The following MIPEP variants were observed in gnomAD, a reference collection of about 807,000 sequenced individuals.
MIPEP encodes the protein mitochondrial intermediate peptidase.
In MIPEP, 79 loss-of-function variants were observed where a neutral mutation model predicts 90.3. The observed-to-expected ratio is 0.87, with a 90% CI of 0.73 to 1.05. The LOEUF is 1.05. Ranked by LOEUF, MIPEP falls within the 50% of genes least tolerant of loss-of-function variation. MIPEP has a pLI of 0.00. For synonymous variants in MIPEP, 334 were observed against 315.8 expected (o/e 1.06, Z -0.61); for missense variants, 940 against 905.6 (o/e 1.04, Z -0.49).
At chr13:23,793,559 A>G (rs1952922977) in intron 16 of MIPEP, among the ~76,000 whole-genome samples, 1 of 152,142 alleles carries the variant, frequency 6.6e-6, no homozygotes, top group Non-Finnish European at 1.5e-5. Context: ...ATTTCTCAGT[A>G]AATATTTATT....
At chr13:23,822,422 A>C (rs1312792497) in intron 14 of MIPEP, among the ~76,000 whole-genome samples, 1 of 152,136 alleles carries the variant, frequency 6.6e-6, no homozygotes, top group East Asian at 1.9e-4. Flanking sequence ...ACATTGCCCC[A>C]CCCCGCAAGG....
intron 14 of MIPEP, among the ~76,000 whole-genome samples, chr13:23,817,536 C>G (rs1228796686): frequency 6.6e-6 from 1 of 152,090 alleles, no homozygotes; most frequent in Non-Finnish European, 1.5e-5. Flanking sequence ...GCAGTAGCCC[C>G]CCGATAAAGT....
intron 16 of MIPEP, chr13:23,766,032 A>C (rs1430056200): frequency 6.6e-6 from 1 of 152,232 alleles, no homozygotes; most frequent in Non-Finnish European, 1.5e-5. Context: ...TCTGATATGG[A>C]ATAATCCTAT....
At chr13:23,830,309 CAG>C (rs1868679206) in intron 14 of MIPEP, among the ~76,000 whole-genome samples, 2 of 152,176 alleles carry the variant, frequency 1.3e-5, no homozygotes, top group African/African-American at 4.8e-5. Flanking sequence ...TTTTAAATAA[CAG>C]AAGATTATAA....
Position 23,782,745 on chromosome 13 carries a change from T to A in MIPEP, c.1849-22528A>T, listed in dbSNP as rs1009214929. On this transcript the variant is annotated intron_variant, in intron 16 of 18. Coordinates refer to ENST00000382172, the MANE Select transcript of MIPEP (RefSeq NM_005932.4). ...AAGAAGAAAAGAGAGAAGAATCAAA[T>A]AGACGCAATAAAAAATGATAAAGGG... Among the ~76,000 whole-genome samples, 9 of 152,154 alleles carry A rather than the reference T, an allele frequency of 5.9e-5. No individual in the cohort carries two copies. The South Asian group carries it at 6.2e-4, about 11-fold the overall frequency.
chr13:23,856,176 G>C (rs560399138), intron 10 of MIPEP, among the ~76,000 whole-genome samples: 11 of 152,180 alleles, frequency 7.2e-5, no homozygotes, highest in Non-Finnish European at 1.3e-4. Flanking sequence ...GCACAGCGGA[G>C]CCAGGAGCTA....
intron 10 of MIPEP, among the ~76,000 whole-genome samples, chr13:23,853,889 T>G (rs189004302): frequency 6.6e-6 from 1 of 151,346 alleles, no homozygotes; most frequent in Non-Finnish European, 1.5e-5. Flanking sequence ...TCAGAATGTA[T>G]CCCTGTCATT....
At chr13:23,822,459 C>T (rs960278353) in intron 14 of MIPEP, among the ~76,000 whole-genome samples, 7 of 152,192 alleles carry the variant, frequency 4.6e-5, no homozygotes, top group East Asian at 3.9e-4. Flanking sequence ...TAACCAAATG[C>T]TCCTATTTCA....
intron 5 of MIPEP, among the ~76,000 whole-genome samples, chr13:23,873,223 G>A (rs528818822): frequency 4.7e-4 from 71 of 152,370 alleles, no homozygotes; most frequent in African/African-American, 1.7e-3. Context: ...ACACATGGGG[G>A]AGGACACTGT....
At chr13:23,831,386 G>GGGGGC (rs1868748814) in intron 14 of MIPEP, among the ~76,000 whole-genome samples, 3 of 69,416 alleles carry the variant, frequency 4.3e-5, no homozygotes, top group East Asian at 4.4e-4. Context: ...CCCATGGCGG[G>GGGGGC]GGGGGGATGT....
chr13:23,863,907 G>C (rs536549634), intron 8 of MIPEP, among the ~76,000 whole-genome samples: 47 of 152,258 alleles, frequency 3.1e-4, no homozygotes, highest in Non-Finnish European at 5.6e-4. Context: ...GCAAATGAAA[G>C]ATGAATTTCT....
intron 16 of MIPEP, among the ~76,000 whole-genome samples, chr13:23,765,540 A>T (rs1173628883): frequency 6.6e-6 from 1 of 152,242 alleles, no homozygotes; most frequent in Non-Finnish European, 1.5e-5. Context: ...GGGCCTTGAA[A>T]CATATCCCTT....
intron 16 of MIPEP, among the ~76,000 whole-genome samples, chr13:23,785,685 A>ATATAT (rs1952832361): frequency 6.6e-6 from 1 of 151,984 alleles, no homozygotes; most frequent in Admixed American, 6.6e-5. Flanking sequence ...AGGGTGTATG[A>ATATAT]GGGACTTCTA....
intron 10 of MIPEP, among the ~76,000 whole-genome samples, chr13:23,856,755 G>C (rs1870063707): frequency 1.3e-5 from 2 of 152,040 alleles, no homozygotes; most frequent in South Asian, 4.1e-4. Flanking sequence ...CAGAAAACAA[G>C]TCCTGCTGAT....
At chr13:23,741,129 C>T (rs913785084) in intron 18 of MIPEP, among the ~76,000 whole-genome samples, 16 of 152,168 alleles carry the variant, frequency 1.1e-4, no homozygotes, top group African/African-American at 3.9e-4. Context: ...TACCATTGTA[C>T]ACCAGTCACA....
At chr13:23,818,996 T>C (rs1423018737) in intron 14 of MIPEP, among the ~76,000 whole-genome samples, 2 of 152,246 alleles carry the variant, frequency 1.3e-5, no homozygotes, top group Admixed American at 6.5e-5. Context: ...ATGTGAAGTT[T>C]GTAAAGTATT....
chr13:23,739,599 T>C (rs529935441), intron 18 of MIPEP, among the ~76,000 whole-genome samples: 11 of 152,290 alleles, frequency 7.2e-5, no homozygotes, highest in African/African-American at 2.4e-4. Context: ...TAGGTCATGA[T>C]TTCTGCCAAA....
At chr13:23,836,023 G>C (rs529501646) in intron 14 of MIPEP, among the ~76,000 whole-genome samples, 4 of 152,282 alleles carry the variant, frequency 2.6e-5, no homozygotes, top group Non-Finnish European at 5.9e-5. Flanking sequence ...ATGTAATAAA[G>C]GGTAGCTATT....
At chr13:23,753,733 G>A (rs1270978891) in intron 18 of MIPEP, among the ~76,000 whole-genome samples, 2 of 152,202 alleles carry the variant, frequency 1.3e-5, no homozygotes, top group African/African-American at 4.8e-5. Context: ...AGAAATGGCC[G>A]AGGGACTCAG....
Sources: allele counts gnomAD v4.1 joint callset (sites outside exome capture counted in the v4.1 genomes callset), GRCh38; gene constraint gnomAD v4.1.1; transcripts MANE v1.5; gene names NCBI Gene and HGNC (gene_info 2026-07-23, HGNC 2026-07-21).